CHD2: variants seen among roughly 807,000 people sequenced by gnomAD.
CHD2 encodes ATP-dependent chromatin remodeler CHD2.
CHD2 carries 28 observed loss-of-function variants against 243.9 expected under a neutral mutation model. That is an observed-to-expected ratio of 0.11 (90% CI 0.09 to 0.16). CHD2 has a LOEUF of 0.16. Ranked by LOEUF, CHD2 falls within the 10% of genes least tolerant of loss-of-function variation. CHD2 has a pLI of 1.00. For missense variants in CHD2, 1,386 were observed against 2,209.8 expected (o/e 0.63, Z 7.47); for synonymous variants, 775 against 779.0 (o/e 0.99, Z 0.09).
chr15:92,929,503 G>C (rs1236702448), intron 5 of CHD2, among the ~76,000 whole-genome samples: 1 of 152,124 alleles, frequency 6.6e-6, no homozygotes, highest in African/African-American at 2.4e-5. Context: ...ATTTTGGTAA[G>C]AAATTACATA....
At chr15:93,015,551 C>A (rs2141889195) in intron 37 of CHD2, among the ~76,000 whole-genome samples, 1 of 150,096 alleles carries the variant, frequency 6.7e-6, no homozygotes, top group Non-Finnish European at 1.5e-5. Context: ...GAAAAATGGG[C>A]AATCAACAGA....
chr15:92,966,453 A>G (rs2053765042), intron 16 of CHD2, among the ~76,000 whole-genome samples: 1 of 152,200 alleles, frequency 6.6e-6, no homozygotes. Context: ...TTAATAGCAT[A>G]GCAGTGTGAG....
At chr15:93,023,136 T>C (rs186072367) in intron 38 of CHD2, among the ~76,000 whole-genome samples, 16 of 152,314 alleles carry the variant, frequency 1.1e-4, no homozygotes, top group African/African-American at 3.1e-4. Context: ...CAAAACACTT[T>C]CATCAGTCAG....
Position 92,998,532 on chromosome 15 carries a change from G to A in CHD2, c.3919G>A (p.Gly1307Arg). ...LPVETDKKPQ[G>R]KQLQTRADYL... ...GGTGGAGACAGATAAAAAGCCTCAG[G>A]GGAAGCAGCTACAGACCCGAGCGGA... is the stretch of plus-strand genomic sequence containing the variant. Residue 1307 changes from glycine to arginine, a missense_variant, in exon 31 of 39, where the codon GGG (glycine) becomes AGG (arginine). Physicochemically the swap from Gly to Arg is moderately radical, Grantham distance 125. Around this residue, in one of 19 missense-constraint regions of CHD2, gnomAD observed 99 missense variants for 176.9 expected, o/e 0.56. Transcript: ENST00000394196. This position sits in a 1 kb window ranked among gnomAD's most constrained non-coding sequence, Gnocchi z 5.1. The A allele has an allele frequency of 1.9e-6, 3 of 1,613,916 alleles. No individual in the cohort carries two copies. The highest frequency in any genetic ancestry group is 2.5e-6 in the Non-Finnish European group (3 of 1,179,988).
At chr15:93,023,871 T>C (rs1236275575) in intron 38 of CHD2, among the ~76,000 whole-genome samples, 2 of 148,876 alleles carry the variant, frequency 1.3e-5, no homozygotes, top group Non-Finnish European at 3.0e-5. Flanking sequence ...GTTTTTGTTG[T>C]TGAGTTTTAG....
intron 3 of CHD2, among the ~76,000 whole-genome samples, chr15:92,925,867 TC>T (rs568634903): frequency 3.6e-4 from 55 of 152,360 alleles, no homozygotes; most frequent in African/African-American, 1.3e-3. Context: ...GGCCATCTTT[TC>T]TTTTGAAGCC....
At position 92,914,253 on chromosome 15, in the gene CHD2, C is replaced by G. The variant is rs570886575; in HGVS notation, c.63-10068C>G. Among the ~76,000 whole-genome samples the G allele has an allele frequency of 3.9e-5, 6 of 152,316 alleles. No homozygotes were observed. In the South Asian group the frequency reaches 6.2e-4, roughly 16 times the overall value. On this transcript the variant is annotated intron_variant, in intron 2 of 38. Transcript: ENST00000394196. The stretch of plus-strand genomic sequence containing the variant: ...TTAATGAATTCTGGGGAGAACTCCC[C>G]TTGTAACTGCTTTTCACAGCTTGGT...
chr15:92,961,631 C>T lies in CHD2; in HGVS notation c.2000+4982C>T, dbSNP rs145343928. 1.2e-3 allele frequency among the ~76,000 whole-genome samples: 184 copies of T among 152,066 alleles called. 1 individual carries two copies. Among genetic ancestry groups the T allele is most frequent in the African/African-American group, 4.2e-3 (174 of 41,502 alleles). On this transcript the variant is annotated intron_variant, in intron 16 of 38. Coordinates refer to ENST00000394196, the MANE Select transcript of CHD2 (RefSeq NM_001271.4). ...CTTGCTGAGTTGTCCAGGTTGGTCT[C>T]GAACTTCTGGGCTCAAGTGATCCTC... is the stretch of plus-strand genomic sequence containing the variant.
chr15:92,954,255 T>TA (rs1367725860), intron 14 of CHD2: 2 of 152,286 alleles, frequency 1.3e-5, no homozygotes, highest in African/African-American at 4.8e-5. Flanking sequence ...TCTTTCCTGC[T>TA]ACTGATGAAG....
intron 2 of CHD2, among the ~76,000 whole-genome samples, chr15:92,913,336 T>C (rs1006111432): frequency 6.6e-6 from 1 of 152,182 alleles, no homozygotes; most frequent in African/African-American, 2.4e-5. Context: ...ACTTGTCTCT[T>C]AGGGAAGGAA....
chr15:92,964,913 G>A (rs1166492126), intron 16 of CHD2, among the ~76,000 whole-genome samples: 5 of 152,076 alleles, frequency 3.3e-5, no homozygotes, highest in East Asian at 3.9e-4. Flanking sequence ...TACTTCTGTC[G>A]TCTAGGCCAA....
intron 28 of CHD2, among the ~76,000 whole-genome samples, chr15:92,994,239 T>C (rs1035944228): frequency 6.6e-6 from 1 of 152,214 alleles, no homozygotes; most frequent in African/African-American, 2.4e-5. Context: ...ATTTGCAAAA[T>C]AGAGTAATAG....
Position 92,978,362 on chromosome 15 carries a change from T to C in CHD2, c.2706T>C (p.His902=), listed in dbSNP as rs759185042. ...ACTTGCAGGCACAAGCCCGAGCGCATAGAATTGGTCAAAAGAAGCAGGTCA... is the reference window on the plus strand; with the variant it reads ...ACTTGCAGGCACAAGCCCGAGCGCACAGAATTGGTCAAAAGAAGCAGGTCA... ...QNDLQAQARA[H]RIGQKKQVNI... The change falls in exon 21 of 39, where the codon CAT becomes CAC. Residue 902 remains histidine (H), a synonymous_variant. Transcript: ENST00000394196. 3.1e-6 allele frequency: 5 copies of C among 1,613,798 alleles called. No individual in the cohort carries two copies. The East Asian group carries it at 1.1e-4, about 36-fold the overall frequency.
chr15:93,026,112 G>C lies in CHD2; in HGVS notation c.*1407G>C, dbSNP rs1474960990. 1.3e-5 allele frequency: 2 copies of C among 152,670 alleles called. No homozygotes were observed. Among genetic ancestry groups the C allele is most frequent in the Non-Finnish European group, 2.9e-5 (2 of 68,058 alleles). 9.5% of individuals were successfully genotyped at this position (152,670 alleles called of 1,614,324 possible). ...TTAAGCAGGCTCTTTTCAATTGACT[G>C]ATGCTGGGGCCTTCAGTTTTATTCT... is the stretch of plus-strand genomic sequence containing the variant. On this transcript the variant is annotated 3_prime_UTR_variant, in exon 39 of 39. Transcript: ENST00000394196.
At chr15:92,996,832 C>T (rs2054194597) in intron 28 of CHD2, 125 bp from the exon 29 acceptor site, 2 of 930,206 alleles carry the variant, frequency 2.2e-6, no homozygotes, top group Non-Finnish European at 3.1e-6. Flanking sequence ...TAGATTATAT[C>T]TTCAAAATAA....
chr15:92,948,094 T>A (rs999406250), intron 12 of CHD2, among the ~76,000 whole-genome samples: 2 of 152,214 alleles, frequency 1.3e-5, no homozygotes, highest in Non-Finnish European at 2.9e-5. Flanking sequence ...CCACATTTTA[T>A]GCAAACCATA....
chr15:92,991,366 C>A lies in CHD2; in HGVS notation c.3414-110C>A. On this transcript the variant is annotated intron_variant, in intron 26 of 38. Coordinates refer to ENST00000394196, the MANE Select transcript of CHD2 (RefSeq NM_001271.4). ...TGGTAGTGCAAGGATTGAGTCCACT[C>A]TATTTTTGACAATTTGCATGGCTCA... 3 of 678,034 alleles carry A rather than the reference C, an allele frequency of 4.4e-6. No homozygotes were observed. The South Asian group carries it at 7.0e-5, about 16-fold the overall frequency. 42.0% of individuals were successfully genotyped at this position (678,034 alleles called of 1,614,324 possible).
chr15:92,941,034 C>T (rs1176648438), intron 7 of CHD2, among the ~76,000 whole-genome samples: 3 of 141,406 alleles, frequency 2.1e-5, no homozygotes, highest in Non-Finnish European at 4.5e-5. Flanking sequence ...CGGAGTCTTG[C>T]TGTGTTGCCC....
At chr15:92,913,330 G>T (rs1023290286) in intron 2 of CHD2, among the ~76,000 whole-genome samples, 10 of 152,312 alleles carry the variant, frequency 6.6e-5, no homozygotes, top group African/African-American at 2.4e-4. Context: ...GGTAGTACTT[G>T]TCTCTTAGGG....
Sources: allele counts gnomAD v4.1 joint callset (sites outside exome capture counted in the v4.1 genomes callset), GRCh38; gene constraint gnomAD v4.1.1; regional missense constraint gnomAD v4.1.1; non-coding constraint Gnocchi (gnomAD v3.1); transcripts MANE v1.5; gene names NCBI Gene and HGNC (gene_info 2026-07-23, HGNC 2026-07-21).